TAX1BP1: variants seen among roughly 807,000 people sequenced by gnomAD.
TAX1BP1 encodes tax1-binding protein 1.
A neutral mutation model predicts 97.7 loss-of-function variants in TAX1BP1; 62 were observed. The observed-to-expected ratio is 0.63, with a 90% CI of 0.52 to 0.78. TAX1BP1 has a LOEUF of 0.78. Ranked by LOEUF, TAX1BP1 falls within the 30% of genes least tolerant of loss-of-function variation. TAX1BP1 has a pLI of 0.00. For synonymous variants in TAX1BP1, 340 were observed against 304.2 expected, an observed-to-expected ratio of 1.12 and a Z score of -1.23; for missense variants, 867 against 916.1, an observed-to-expected ratio of 0.95 and a Z score of 0.69.
intron 13 of TAX1BP1, chr7:27,802,976 A>C (rs1460943839): frequency 1.2e-6 from 1 of 817,604 alleles, no homozygotes; most frequent in Non-Finnish European, 1.8e-6. Flanking sequence ...GAGAAGTCAA[A>C]GAATTAGCTG....
At chr7:27,792,407 A>G (rs1432852843) in intron 9 of TAX1BP1, among the ~76,000 whole-genome samples, 177 bp downstream of exon 9, 2 of 152,176 alleles carry the variant, frequency 1.3e-5, no homozygotes, top group African/African-American at 2.4e-5. Context: ...TGTGTGCTGT[A>G]AGGAAAACTT....
chr7:27,776,883 C>T (rs1325060148), intron 5 of TAX1BP1, among the ~76,000 whole-genome samples: 1 of 151,366 alleles, frequency 6.6e-6, no homozygotes, highest in Non-Finnish European at 1.5e-5. Flanking sequence ...TATTTGTCTC[C>T]AAGTTCACTA....
chr7:27,783,436 C>T (rs371058855), intron 5 of TAX1BP1, among the ~76,000 whole-genome samples: 1 of 152,134 alleles, frequency 6.6e-6, no homozygotes, highest in Non-Finnish European at 1.5e-5. Flanking sequence ...CTTACTTTAT[C>T]GTTTTCATGT....
At chr7:27,821,652 T>TAAA in intron 15 of TAX1BP1, among the ~76,000 whole-genome samples, 1 of 139,280 alleles carries the variant, frequency 7.2e-6, no homozygotes, top group East Asian at 2.1e-4. Context: ...AAAAAAAAAG[T>TAAA]AGTTAATTTT....
chr7:27,764,297 T>G (rs997611546), intron 3 of TAX1BP1, among the ~76,000 whole-genome samples: 3 of 152,228 alleles, frequency 2.0e-5, no homozygotes. Context: ...GTTTCCTCCT[T>G]ATCTTTCATA....
At chr7:27,827,966 G>C in intron 16 of TAX1BP1, 146 bp downstream of exon 16, 1 of 583,336 alleles carries the variant, frequency 1.7e-6, no homozygotes, top group Non-Finnish European at 3.0e-6. Flanking sequence ...AGCAATATGT[G>C]TTTTAACATG....
chr7:27,762,960 C>T lies in TAX1BP1; in HGVS notation c.266-2874C>T, dbSNP rs531479779. ...AGAGTGAGAACCTGTCTCAAAAATT[C>T]ATGGGCACTAAGCCTAAATGCAATA... On this transcript the variant is annotated intron_variant, in intron 3 of 16. Transcript: ENST00000396319. Among the ~76,000 whole-genome samples the T allele has an allele frequency of 1.4e-3, 207 of 152,204 alleles. 1 individual carries two copies. The highest frequency in any genetic ancestry group is 4.5e-3 in the African/African-American group (186 of 41,536).
intron 15 of TAX1BP1, among the ~76,000 whole-genome samples, chr7:27,819,603 T>TA (rs765375101): frequency 1.7e-4 from 26 of 152,316 alleles, no homozygotes; most frequent in South Asian, 4.1e-4. Context: ...CTCCTCAACT[T>TA]ACGATGGGGT....
rs1423616734 is a variant in TAX1BP1, at chr7:27,803,136, A to G, written c.1764+3046A>G. The G allele has an allele frequency of 5.8e-6, 9 of 1,548,478 alleles. No homozygotes were observed. The South Asian group carries it at 1.1e-4, about 19-fold the overall frequency. ...TCAATTGGCAGAGAAAGACAAAGAA[A>G]TAAGTGGTCTGATTTCACATTTGGA... On this transcript the variant is annotated intron_variant, in intron 13 of 16. Transcript: ENST00000396319.
At chr7:27,800,125 C>T in intron 13 of TAX1BP1, 35 bp downstream of exon 13, 1 of 1,501,346 alleles carries the variant, frequency 6.7e-7, no homozygotes, top group Non-Finnish European at 8.9e-7. Flanking sequence ...AAACTTAAGG[C>T]ATAAACTTCT....
At chr7:27,827,948 G>A (rs759823021) in intron 16 of TAX1BP1, 128 bp downstream of exon 16, 18 of 696,524 alleles carry the variant, frequency 2.6e-5, no homozygotes, top group African/African-American at 5.4e-5. Context: ...AACACCAGGC[G>A]TAGGCCCAGC....
rs77565708 is a variant in TAX1BP1 at position 27,768,510 on chromosome 7, A to G, written c.454-1166A>G. Among the ~76,000 whole-genome samples the G allele has an allele frequency of 8.6e-3, 1,313 of 152,010 alleles. 9 individuals are homozygous for G. The highest frequency in any genetic ancestry group is 0.015 in the Admixed American group (234 of 15,264). On this transcript the variant is annotated intron_variant, in intron 4 of 16. Coordinates refer to ENST00000396319, the MANE Select transcript of TAX1BP1 (RefSeq NM_006024.7). ...AAAAGGTGATTCTTTTATAAAGTCT[A>G]TGTTGTGCTATGTCAAGATATATCT...
intron 13 of TAX1BP1, among the ~76,000 whole-genome samples, chr7:27,806,088 G>GTTT (rs70974502): frequency 7.0e-5 from 10 of 142,634 alleles, no homozygotes; most frequent in Admixed American, 7.0e-5. Context: ...TAGAGTTTCA[G>GTTT]TTTTTTTTTT....
chr7:27,774,811 T>G (rs1788968977), intron 5 of TAX1BP1, among the ~76,000 whole-genome samples: 1 of 152,120 alleles, frequency 6.6e-6, no homozygotes, highest in South Asian at 2.1e-4. Flanking sequence ...TTGTGGGTAT[T>G]CTGGTATTTA....
chr7:27,808,171 C>A (rs1379990414), intron 13 of TAX1BP1, among the ~76,000 whole-genome samples: 1 of 152,118 alleles, frequency 6.6e-6, no homozygotes, highest in Non-Finnish European at 1.5e-5. Context: ...ATTCAAAGTC[C>A]TTAGCAGACA....
intron 2 of TAX1BP1, among the ~76,000 whole-genome samples, chr7:27,756,801 C>G (rs1405523103): frequency 6.6e-6 from 1 of 152,072 alleles, no homozygotes; most frequent in Admixed American, 6.6e-5. Flanking sequence ...AGGTAAATGA[C>G]TTGTTCACTG....
upstream of TAX1BP1, chr7:27,739,608 A>C (rs887567258): frequency 6.6e-6 from 1 of 152,162 alleles, no homozygotes; most frequent in African/African-American, 2.4e-5. Flanking sequence ...AGCAAATAGA[A>C]TCAGAGGGCA....
In TAX1BP1 at chr7:27,792,157, A is replaced by C; in HGVS notation, c.1190A>C (p.Glu397Ala). ...TMADLHTARL[E>A]NEKVKKQLAD... ...GCAGACCTGCATACTGCACGCTTGGAAAACGAGAAAGTGAAAAAGCAGTTA... is the reference window on the plus strand; with the variant it reads ...GCAGACCTGCATACTGCACGCTTGGCAAACGAGAAAGTGAAAAAGCAGTTA... Residue 397 changes from glutamate to alanine, a missense_variant, in exon 9 of 17, where the codon GAA becomes GCA. Around this residue, in one of 3 missense-constraint regions of TAX1BP1, gnomAD observed 822 missense variants for 851.4 expected, o/e 0.97. Transcript: ENST00000396319. The C allele has an allele frequency of 1.2e-6, 2 of 1,613,982 alleles. No individual in the cohort carries two copies. The highest frequency in any genetic ancestry group is 8.5e-7 in the Non-Finnish European group (1 of 1,180,016).
Position 27,758,131 on chromosome 7 carries a change from A to G in TAX1BP1, c.263A>G (p.Gln88Arg). Residue 88 changes from glutamine to arginine, a missense_variant and splice_region_variant, in exon 3 of 17, where the codon CAA becomes CGA. Around this residue, in one of 3 missense-constraint regions of TAX1BP1, gnomAD observed 822 missense variants for 851.4 expected, o/e 0.97. Coordinates refer to ENST00000396319, the MANE Select transcript of TAX1BP1 (RefSeq NM_006024.7). Reference protein sequence around the residue: ...GSTVNCVLAFQGYYLPNDDGE... With the variant: ...GSTVNCVLAFRGYYLPNDDGE... ...ACAGTCAATTGTGTACTAGCATTCC[A>G]AGGTAAGGACTGAAAACTGCAGAAC... The G allele has an allele frequency of 6.2e-7, 1 of 1,607,364 alleles. No individual in the cohort carries two copies. Among genetic ancestry groups the G allele is most frequent in the African/African-American group, 1.3e-5 (1 of 74,838 alleles).
Sources: gnomAD v4.1 joint callset for allele counts (sites outside exome capture counted in the v4.1 genomes callset) on GRCh38, gnomAD v4.1.1 for gene constraint, gnomAD v4.1.1 regional missense constraint, MANE v1.5 for transcripts, NCBI Gene and HGNC (gene_info 2026-07-23, HGNC 2026-07-21) for gene names.